ALMS1: variants seen among roughly 807,000 people sequenced by gnomAD.
ALMS1 encodes ALMS1 centrosome and basal body associated protein, also known as centrosome-associated protein ALMS1.
A neutral mutation model predicts 352.2 loss-of-function variants in ALMS1; 271 were observed. That is an observed-to-expected ratio of 0.77 (90% CI 0.70 to 0.85). The LOEUF is 0.85. ALMS1 is among the 40% of genes least tolerant of loss of function. The probability of loss-of-function intolerance (pLI) is 0.00; values close to 1 mark genes in which losing one functional copy is unlikely to be tolerated. For synonymous variants in ALMS1, 1,865 were observed against 1,761.2 expected (o/e 1.06, Z -1.48); for missense variants, 5,445 against 4,870.7 (o/e 1.12, Z -3.51).
intron 11 of ALMS1, among the ~76,000 whole-genome samples, chr2:73,530,487 G>T (rs548845442): frequency 1.8e-4 from 27 of 152,344 alleles, no homozygotes; most frequent in Non-Finnish European, 3.4e-4. Context: ...GTTTTGCAGG[G>T]CACAGCTCCC....
chr2:73,495,947 A>G (rs1395022393), intron 10 of ALMS1, among the ~76,000 whole-genome samples: 1 of 152,208 alleles, frequency 6.6e-6, no homozygotes, highest in Non-Finnish European at 1.5e-5. Context: ...TACAGTGTTT[A>G]TCTGCAGTTT....
In ALMS1 at chr2:73,572,735, A is replaced by C. The variant is rs201598829; in HGVS notation, c.10858A>C (p.Arg3620=). The part of the protein sequence containing the change: ...RQQRQPELGD[R]KELSLVDRLD... ...ACAGAGACAGCCTGAGTTGGGTGACAGGAAAGAACTGTCCTTGGTGGACCG... is the reference window on the plus strand; with the variant it reads ...ACAGAGACAGCCTGAGTTGGGTGACCGGAAAGAACTGTCCTTGGTGGACCG... Residue 3620 remains arginine (R), a synonymous_variant, in exon 16 of 23, where the codon AGG becomes CGG. Transcript: ENST00000613296. The C allele has an allele frequency of 1.2e-4, 189 of 1,614,122 alleles. No homozygotes were observed. Among genetic ancestry groups the C allele is most frequent in the Non-Finnish European group, 1.5e-4 (175 of 1,180,002 alleles).
At chr2:73,464,218 C>CCAG (rs1421314323) in intron 9 of ALMS1, among the ~76,000 whole-genome samples, 2 of 152,166 alleles carry the variant, frequency 1.3e-5, no homozygotes, top group African/African-American at 4.8e-5. Flanking sequence ...CAAACTGAAT[C>CCAG]CAGCAGCACA....
intron 1 of ALMS1, among the ~76,000 whole-genome samples, chr2:73,394,034 T>C (rs1033958352): frequency 1.3e-5 from 2 of 152,044 alleles, no homozygotes; most frequent in African/African-American, 4.8e-5. Flanking sequence ...TTGCCCAGGC[T>C]GGTCTCAAAC....
intron 1 of ALMS1, among the ~76,000 whole-genome samples, chr2:73,386,460 G>T (rs1371579456): frequency 2.0e-5 from 3 of 152,176 alleles, no homozygotes; most frequent in Non-Finnish European, 4.4e-5. Context: ...TGCATTCCCC[G>T]TGAGAAACGC....
intron 12 of ALMS1, among the ~76,000 whole-genome samples, chr2:73,536,775 C>A (rs1447150606): frequency 6.6e-6 from 1 of 151,958 alleles, no homozygotes; most frequent in African/African-American, 2.4e-5. Context: ...AAAACTGGGG[C>A]AAAGGAAACA....
chr2:73,579,443 C>G lies in ALMS1; in HGVS notation c.11547+6019C>G, dbSNP rs181213678. Among the ~76,000 whole-genome samples, 1,441 of 152,088 alleles carry G rather than the reference C, an allele frequency of 9.5e-3. 33 individuals are homozygous for G. The highest frequency in any genetic ancestry group is 0.033 in the African/African-American group (1,362 of 41,470). ...TGGCGTGATCTTGGCTCACTGCAAC[C>G]TCCACCTCCCGGGTTCAAGTGATTC... On this transcript the variant is annotated intron_variant, in intron 16 of 22. Coordinates refer to ENST00000613296, the MANE Select transcript of ALMS1 (RefSeq NM_001378454.1).
chr2:73,480,538 G>A (rs1287675185), intron 9 of ALMS1, among the ~76,000 whole-genome samples: 28 of 151,978 alleles, frequency 1.8e-4, no homozygotes, highest in African/African-American at 4.3e-4. Flanking sequence ...ATAAACATAC[G>A]TGTGCATGTG....
chr2:73,440,787 A>G (rs1366977440), intron 7 of ALMS1, among the ~76,000 whole-genome samples: 1 of 152,146 alleles, frequency 6.6e-6, no homozygotes, highest in African/African-American at 2.4e-5. Context: ...AATTTTGATT[A>G]TATCCTGGAC....
intron 9 of ALMS1, among the ~76,000 whole-genome samples, chr2:73,487,011 G>T (rs546177960): frequency 3.9e-4 from 59 of 152,310 alleles, no homozygotes; most frequent in African/African-American, 1.3e-3. Context: ...TAGTGCCACA[G>T]CATTCCAGCC....
chr2:73,454,348 T>G, intron 8 of ALMS1: 1 of 985,320 alleles, frequency 1.0e-6, no homozygotes, highest in Non-Finnish European at 1.2e-6. Context: ...TTAGGAGAAG[T>G]AGATTCTGAT....
chr2:73,387,857 G>A (rs1187324204), intron 1 of ALMS1, among the ~76,000 whole-genome samples: 1 of 152,162 alleles, frequency 6.6e-6, no homozygotes, highest in Non-Finnish European at 1.5e-5. Context: ...TTTGGAATAG[G>A]GAAGTGTTGG....
chr2:73,534,791 T>C (rs766615101), intron 11 of ALMS1, 33 bp from the exon 12 acceptor site: 1 of 1,607,468 alleles, frequency 6.2e-7, no homozygotes, highest in South Asian at 1.1e-5. Context: ...CAAATGTTTT[T>C]CATATTAATT....
chr2:73,501,198 T>G (rs539661874), intron 10 of ALMS1, among the ~76,000 whole-genome samples: 2 of 152,290 alleles, frequency 1.3e-5, no homozygotes, highest in South Asian at 4.1e-4. Flanking sequence ...ATTATAGGAA[T>G]TTTTATAATA....
At chr2:73,388,438 C>G (rs1428450723) in intron 1 of ALMS1, among the ~76,000 whole-genome samples, 1 of 152,144 alleles carries the variant, frequency 6.6e-6, no homozygotes, top group Admixed American at 6.5e-5. Context: ...CAGCCCTTCT[C>G]TCCTCCTTCT....
intron 9 of ALMS1, chr2:73,470,158 G>C (rs1275857279): frequency 6.6e-6 from 1 of 151,546 alleles, no homozygotes; most frequent in African/African-American, 2.4e-5. Flanking sequence ...TAACAATTTA[G>C]TTGATTTCTT....
At chr2:73,404,577 C>G (rs995111838) in intron 1 of ALMS1, among the ~76,000 whole-genome samples, 4 of 151,930 alleles carry the variant, frequency 2.6e-5, no homozygotes, top group African/African-American at 9.7e-5. Context: ...TGGTGTATTA[C>G]ATTGATCAAT....
At position 73,473,259 on chromosome 2, in the gene ALMS1, T is replaced by TC. The variant is rs1242189556; in HGVS notation, c.7675-16375_7675-16374insC. Among the ~76,000 whole-genome samples, 4 of 151,780 alleles carry TC rather than the reference T, an allele frequency of 2.6e-5. No homozygotes were observed. In the East Asian group the frequency reaches 7.8e-4, roughly 29 times the overall value. On this transcript the variant is annotated intron_variant, in intron 9 of 22. Transcript: ENST00000613296. ...AGCAAAAAAGACTGGGAGTGTTTTT[T>TC]TTCTTTCCTATTACCTTTTTTCTTT...
intron 5 of ALMS1, 80 bp from the exon 6 acceptor site, chr2:73,426,373 A>G: frequency 7.1e-7 from 1 of 1,401,510 alleles, no homozygotes; most frequent in Non-Finnish European, 1.0e-6. Flanking sequence ...ATATAGGCCA[A>G]GGTGAAAGTC....
Sources: allele counts gnomAD v4.1 joint callset (sites outside exome capture counted in the v4.1 genomes callset), GRCh38; gene constraint gnomAD v4.1.1; transcripts MANE v1.5; gene names NCBI Gene and HGNC (gene_info 2026-07-23, HGNC 2026-07-21).